RFC3: variants seen among roughly 807,000 people sequenced by gnomAD.
RFC3 encodes the protein A1 38 kDa subunit.
RFC3 carries 41 observed loss-of-function variants against 45.1 expected under a neutral mutation model. That is an observed-to-expected ratio of 0.91 (90% confidence interval 0.71 to 1.18). RFC3 has a LOEUF of 1.18. RFC3 is among the 50% of genes most tolerant of loss of function. The pLI is 0.00. For synonymous variants in RFC3, 149 were observed against 144.0 expected (o/e 1.03, Z -0.25); for missense variants, 423 against 428.1 (o/e 0.99, Z 0.10).
At chr13:33,919,483 C>G (rs926244834) in intron 8 of RFC3, among the ~76,000 whole-genome samples, 1 of 152,070 alleles carries the variant, frequency 6.6e-6, no homozygotes, top group Non-Finnish European at 1.5e-5. Context: ...CTCGATAAAT[C>G]TGTTACACCA....
At chr13:33,895,163 C>T (rs781746362) in intron 8 of RFC3, among the ~76,000 whole-genome samples, 2 of 152,122 alleles carry the variant, frequency 1.3e-5, no homozygotes, top group Non-Finnish European at 2.9e-5. Flanking sequence ...CCTAATTAAA[C>T]TACAAAGCTT....
intron 8 of RFC3, among the ~76,000 whole-genome samples, chr13:33,908,228 A>G (rs937089855): frequency 6.6e-6 from 1 of 152,082 alleles, no homozygotes; most frequent in East Asian, 2.0e-4. Flanking sequence ...TAAAAGGATA[A>G]TGTCTTCTGA....
At chr13:33,936,314 T>G (rs1252249192) in intron 8 of RFC3, among the ~76,000 whole-genome samples, 1 of 152,030 alleles carries the variant, frequency 6.6e-6, no homozygotes, top group Non-Finnish European at 1.5e-5. Context: ...TTAGAGGAGA[T>G]CCTAGGGGTG....
At chr13:33,866,591 G>T (rs142190874) in intron 8 of RFC3, among the ~76,000 whole-genome samples, 296 of 152,322 alleles carry the variant, frequency 1.9e-3, no homozygotes, top group Middle Eastern at 3.4e-3. Flanking sequence ...ACATCAAAAA[G>T]CTGGAGCCCC....
At chr13:33,938,797 C>T (rs909787679) in intron 8 of RFC3, among the ~76,000 whole-genome samples, 1 of 152,000 alleles carries the variant, frequency 6.6e-6, no homozygotes, top group Non-Finnish European at 1.5e-5. Flanking sequence ...AAAGCTGGGT[C>T]ATTGGGGATG....
chr13:33,976,208 G>A, the RFC3 span, among the ~76,000 whole-genome samples: 1 of 152,132 alleles, frequency 6.6e-6, no homozygotes, highest in Non-Finnish European at 1.5e-5. Flanking sequence ...GAAAATTATG[G>A]AATACAAACT....
At chr13:33,818,402 G>A (rs2081968513) in intron 1 of RFC3, 137 bp downstream of exon 1, 2 of 649,024 alleles carry the variant, frequency 3.1e-6, no homozygotes, top group Non-Finnish European at 5.3e-6. Context: ...CACAGGGAAG[G>A]GGGAAGAGGT....
chr13:33,967,362 A>C (rs1026771825), downstream of RFC3, among the ~76,000 whole-genome samples: 9 of 152,148 alleles, frequency 5.9e-5, no homozygotes, highest in African/African-American at 1.9e-4. Context: ...TTAATGAGTT[A>C]AGTTTGTTTA....
In RFC3 at chr13:33,836,605, C is replaced by A; in HGVS notation, c.*310C>A. 9.7e-7 allele frequency: 1 copy of A among 1,032,274 alleles called. No individual in the cohort carries two copies. The allele number at this position is 1,032,274 out of a possible 1,614,324, so 63.9% of individuals were successfully genotyped here. ...TCTCTTCCGTCTAATCTCTCACCTG[C>A]TAAAGGAGATTTACACATTAGAAAG... On this transcript the variant is annotated 3_prime_UTR_variant, in exon 9 of 9. Coordinates refer to ENST00000380071, the MANE Select transcript of RFC3 (RefSeq NM_002915.4).
chr13:33,821,120 C>T lies in RFC3; in HGVS notation c.88-12C>T. 6.2e-7 allele frequency: 1 copy of T among 1,611,056 alleles called. No individual in the cohort carries two copies. ...TTTGACTAGGGAAAAATGCCTTGTT[C>T]TTTTTTTTCAGGTGCAGTGTGGTGA... On this transcript the variant is annotated splice_polypyrimidine_tract_variant and intron_variant, in intron 1 of 8. Coordinates refer to ENST00000380071, the MANE Select transcript of RFC3 (RefSeq NM_002915.4).
At chr13:33,850,213 GT>G (rs1238623526) in intron 8 of RFC3, 1 of 151,996 alleles carries the variant, frequency 6.6e-6, no homozygotes, top group African/African-American at 2.4e-5. Context: ...ATTTTACACA[GT>G]TTTTTCTTTG....
rs1329600810 is a variant in RFC3, at chr13:33,886,127, CCA to C, written c.879+50913_879+50914del. On this transcript the variant is annotated intron_variant, in intron 8 of 8. Coordinates refer to the RFC3 transcript ENST00000434425. ...TGAGACTTCAGAAATCGCCTTTTGACCACAGAGTGATAAGCCCAAGGATAGAA... is the reference window on the plus strand; with the variant it reads ...TGAGACTTCAGAAATCGCCTTTTGACCAGAGTGATAAGCCCAAGGATAGAA... Among the ~76,000 whole-genome samples the C allele has an allele frequency of 5.3e-5, 8 of 152,172 alleles. No homozygotes were observed. The South Asian group carries it at 1.0e-3, about 20-fold the overall frequency.
At chr13:33,974,523 G>A in the RFC3 span, among the ~76,000 whole-genome samples, 1 of 152,148 alleles carries the variant, frequency 6.6e-6, no homozygotes, top group Non-Finnish European at 1.5e-5. Context: ...CATGAATTAA[G>A]GATTCTTACC....
At chr13:33,852,819 T>C (rs1593639105) in intron 8 of RFC3, among the ~76,000 whole-genome samples, 1 of 152,206 alleles carries the variant, frequency 6.6e-6, no homozygotes, top group Admixed American at 6.5e-5. Flanking sequence ...GCTTGGCAGG[T>C]GACTGCAACC....
chr13:33,822,916 C>T (rs1376846939), intron 2 of RFC3, among the ~76,000 whole-genome samples: 1 of 151,976 alleles, frequency 6.6e-6, no homozygotes, highest in Non-Finnish European at 1.5e-5. Flanking sequence ...AAGATTGTCA[C>T]AAAAATTTGA....
chr13:33,917,768 T>A (rs2082742338), intron 8 of RFC3, among the ~76,000 whole-genome samples: 1 of 151,980 alleles, frequency 6.6e-6, no homozygotes, highest in Non-Finnish European at 1.5e-5. Context: ...TGTGAAAGAT[T>A]TTTCTCACTT....
chr13:33,901,700 T>G (rs762316800), intron 8 of RFC3, among the ~76,000 whole-genome samples: 10 of 152,122 alleles, frequency 6.6e-5, no homozygotes, highest in Non-Finnish European at 1.5e-4. Context: ...ATTCAAATGT[T>G]TCTAGCATTA....
chr13:33,848,142 C>T (rs1333133328), intron 8 of RFC3: 5 of 152,202 alleles, frequency 3.3e-5, no homozygotes, highest in African/African-American at 9.6e-5. Context: ...TTCACAGATA[C>T]TTCAGAGACA....
chr13:33,939,422 A>G (rs562608740), intron 8 of RFC3, among the ~76,000 whole-genome samples: 1 of 152,224 alleles, frequency 6.6e-6, no homozygotes, highest in East Asian at 1.9e-4. Flanking sequence ...GGGTGAACAC[A>G]CCAAGGTGCT....
Sources: allele counts gnomAD v4.1 joint callset (sites outside exome capture counted in the v4.1 genomes callset), GRCh38; gene constraint gnomAD v4.1.1; transcripts MANE v1.5; gene names NCBI Gene and HGNC (gene_info 2026-07-23, HGNC 2026-07-21).